ITGAE: variants seen among roughly 807,000 people sequenced by gnomAD.
The protein encoded by ITGAE is integrin subunit alpha E, also known as integrin alpha-E.
In ITGAE, 99 loss-of-function variants were observed where a neutral mutation model predicts 136.5. That is an observed-to-expected ratio of 0.73 (90% CI 0.62 to 0.86). The LOEUF (loss-of-function observed/expected upper bound fraction) is 0.86, where lower values mean the gene tolerates loss of function less well. ITGAE is among the 40% of genes least tolerant of loss of function. ITGAE has a pLI of 0.00. For missense variants in ITGAE, 1,447 were observed against 1,515.3 expected, an observed-to-expected ratio of 0.95 and a Z score of 0.75; for synonymous variants, 613 against 591.8, an observed-to-expected ratio of 1.04 and a Z score of -0.52.
In ITGAE at chr17:3,718,889, T is replaced by C. The variant is rs541103630; in HGVS notation, c.3333+1418A>G. 3.3e-5 allele frequency among the ~76,000 whole-genome samples: 5 copies of C among 152,300 alleles called. No homozygotes were observed. In the South Asian group the frequency reaches 1.0e-3, roughly 32 times the overall value. On this transcript the variant is annotated intron_variant, in intron 29 of 30. Coordinates refer to ENST00000263087, the MANE Select transcript of ITGAE (RefSeq NM_002208.5). ...GCAGTGCAATAATGGGGCACTTCTATTTCTTCCGTTTTCTGTATTTTCCAT... is the reference window on the plus strand; with the variant it reads ...GCAGTGCAATAATGGGGCACTTCTACTTCTTCCGTTTTCTGTATTTTCCAT...
intron 2 of ITGAE, among the ~76,000 whole-genome samples, chr17:3,776,077 A>ATTTTTTTTT (rs1211260274): frequency 1.5e-5 from 1 of 66,266 alleles, no homozygotes; most frequent in Non-Finnish European, 2.6e-5. Context: ...TTTTTTTTTG[A>ATTTTTTTTT]GACGGAGTCT....
chr17:3,750,659 G>A (rs1222272754), intron 15 of ITGAE, among the ~76,000 whole-genome samples, 177 bp from the exon 16 acceptor site: 1 of 152,152 alleles, frequency 6.6e-6, no homozygotes, highest in African/African-American at 2.4e-5. Context: ...TTTGGATGGA[G>A]CCTCGAAGGG....
intron 19 of ITGAE, among the ~76,000 whole-genome samples, chr17:3,742,732 C>T (rs899689187): frequency 2.4e-4 from 37 of 152,250 alleles, no homozygotes; most frequent in African/African-American, 8.7e-4. Flanking sequence ...GGAACCTCTG[C>T]CTCCTGGGCA....
At chr17:3,784,184 C>T (rs747893427) in intron 1 of ITGAE, among the ~76,000 whole-genome samples, 116 of 151,872 alleles carry the variant, frequency 7.6e-4, no homozygotes, top group Middle Eastern at 3.4e-3. Context: ...GGCGTGAACC[C>T]GGGAGGCGGA....
At chr17:3,796,112 T>TGTGC (rs1423731071) in intron 1 of ITGAE, among the ~76,000 whole-genome samples, 12 of 71,684 alleles carry the variant, frequency 1.7e-4, no homozygotes, top group African/African-American at 9.4e-4. Context: ...TGCATCCCTG[T>TGTGC]GTGCATCCCT....
intron 1 of ITGAE, among the ~76,000 whole-genome samples, chr17:3,789,131 T>C (rs1469394194): frequency 6.6e-6 from 1 of 151,766 alleles, no homozygotes; most frequent in East Asian, 1.9e-4. Context: ...CCTGTGGTCC[T>C]AGCTACTTGG....
intron 8 of ITGAE, 124 bp downstream of exon 8, chr17:3,759,278 G>A (rs1015229550): frequency 7.1e-6 from 8 of 1,119,084 alleles, no homozygotes; most frequent in East Asian, 2.5e-5. Context: ...GTTCTCTCTC[G>A]GCCAGGGAAA....
chr17:3,745,503 G>C (rs373707137), intron 18 of ITGAE, among the ~76,000 whole-genome samples: 3 of 151,998 alleles, frequency 2.0e-5, no homozygotes, highest in African/African-American at 7.2e-5. Context: ...CATCACGCCC[G>C]GCTAATTTTT....
intron 10 of ITGAE, among the ~76,000 whole-genome samples, chr17:3,756,424 T>C (rs974445086): frequency 7.4e-6 from 1 of 134,814 alleles, no homozygotes; most frequent in African/African-American, 2.8e-5. Flanking sequence ...TTTTTTGAGA[T>C]GGAGCCTCGC....
Position 3,759,525 on chromosome 17 carries a change from C to G in ITGAE, c.743G>C (p.Gly248Ala). The G allele has an allele frequency of 2.5e-6, 4 of 1,614,102 alleles. No homozygotes were observed. The highest frequency in any genetic ancestry group is 3.4e-6 in the Non-Finnish European group (4 of 1,179,966). ...ECNFALVQYG[G>A]VIQTEFDLRD... ...AAGGTCAAACTCAGTCTGGATCACT[C>G]CTCCATACTGCACCAAGGCAAAGTT... Residue 248 changes from glycine to alanine, a missense_variant, in exon 8 of 31, where the codon GGA becomes GCA. Coordinates refer to ENST00000263087, the MANE Select transcript of ITGAE (RefSeq NM_002208.5).
intron 1 of ITGAE, among the ~76,000 whole-genome samples, chr17:3,797,665 TG>T (rs2053154357): frequency 6.6e-6 from 1 of 151,718 alleles, no homozygotes; most frequent in African/African-American, 2.4e-5. Flanking sequence ...TTCACCGTGT[TG>T]GCCAGGATGG....
chr17:3,769,166 C>T (rs925487767), intron 2 of ITGAE, among the ~76,000 whole-genome samples: 13 of 152,118 alleles, frequency 8.5e-5, no homozygotes, highest in Non-Finnish European at 1.6e-4. Flanking sequence ...GGCCTGGACC[C>T]GCCTCCAGTC....
chr17:3,795,965 GCGTGTGTGCATC>G (rs1241476445), intron 1 of ITGAE, among the ~76,000 whole-genome samples: 35 of 134,440 alleles, frequency 2.6e-4, no homozygotes, highest in East Asian at 2.1e-3. Flanking sequence ...CCCTGTGTGT[GCGTGTGTGCATC>G]CGTGTGTGCA....
chr17:3,749,447 T>G (rs1597329404), intron 16 of ITGAE, among the ~76,000 whole-genome samples: 1 of 151,602 alleles, frequency 6.6e-6, no homozygotes, highest in African/African-American at 2.4e-5. Flanking sequence ...AGAGATGAGG[T>G]TTCACCGTGT....
intron 19 of ITGAE, among the ~76,000 whole-genome samples, chr17:3,740,159 G>A (rs1470824201): frequency 6.6e-6 from 1 of 152,206 alleles, no homozygotes; most frequent in African/African-American, 2.4e-5. Context: ...GAATGTTAGG[G>A]GTGCCCATGA....
chr17:3,761,461 G>A lies in ITGAE; in HGVS notation c.375C>T (p.Thr125=), dbSNP rs867653732. 4 of 1,614,114 alleles carry A rather than the reference G, an allele frequency of 2.5e-6. No individual in the cohort carries two copies. In the Middle Eastern group the frequency reaches 6.6e-4, roughly 266 times the overall value. Reference sequence around the variant, plus strand: ...GGAGGTCAGGGCCCAGGAGGCTACAGGTGCCTGTGAGTTCTGAGCTGAGGC... The same window carrying A: ...GGAGGTCAGGGCCCAGGAGGCTACAAGTGCCTGTGAGTTCTGAGCTGAGGC... ...PHSLSSELTG[T]CSLLGPDLRP... Residue 125 remains threonine (T), a synonymous_variant, in exon 5 of 31, where the codon ACC becomes ACT. Transcript: ENST00000263087.
rs546040151 is a variant in ITGAE at position 3,755,345 on chromosome 17, G to A, written c.1240-84C>T. 1.3e-5 allele frequency: 19 copies of A among 1,416,014 alleles called. No homozygotes were observed. The East Asian group carries it at 4.6e-4, about 34-fold the overall frequency. The allele number at this position is 1,416,014 out of a possible 1,614,324, so 87.7% of individuals were successfully genotyped here. A position where few individuals can be genotyped will look rare whatever the true frequency, so the allele number is the denominator to read the frequency against. The stretch of plus-strand genomic sequence containing the variant: ...TGGCCGCGGGTCTCCGGGCCAGCGC[G>A]GCTAACCTGGCTGGGAGCAGGGGGG... On this transcript the variant is annotated intron_variant, in intron 11 of 30. Coordinates refer to ENST00000263087, the MANE Select transcript of ITGAE (RefSeq NM_002208.5).
At chr17:3,791,530 G>C (rs963928230) in intron 1 of ITGAE, among the ~76,000 whole-genome samples, 7 of 152,104 alleles carry the variant, frequency 4.6e-5, no homozygotes, top group Admixed American at 4.6e-4. Context: ...TGATCCACCA[G>C]CCTCAGCCTC....
intron 19 of ITGAE, among the ~76,000 whole-genome samples, chr17:3,742,421 CT>C (rs1201441348): frequency 1.4e-5 from 2 of 147,744 alleles, no homozygotes; most frequent in African/African-American, 5.0e-5. Flanking sequence ...AAGACAATGC[CT>C]TTGTTTTTAG....
Sources: allele counts gnomAD v4.1 joint callset (sites outside exome capture counted in the v4.1 genomes callset), GRCh38; gene constraint gnomAD v4.1.1; transcripts MANE v1.5; gene names NCBI Gene and HGNC (gene_info 2026-07-23, HGNC 2026-07-21).